The following PDE6B variants were observed in gnomAD, a reference collection of about 807,000 sequenced individuals.
The protein encoded by PDE6B is phosphodiesterase 6B, also known as rod cGMP-specific 3',5'-cyclic phosphodiesterase subunit beta.
In PDE6B, 106 loss-of-function variants were observed where a neutral mutation model predicts 109.0. The observed-to-expected ratio is 0.97, with a 90% CI of 0.83 to 1.14. PDE6B has a LOEUF of 1.14. Among genes scored for constraint, PDE6B ranks in the 50% most tolerant of loss-of-function variants. PDE6B has a pLI of 0.00. For synonymous variants in PDE6B, 490 were observed against 471.3 expected (o/e 1.04, Z -0.51); for missense variants, 1,193 against 1,155.6 (o/e 1.03, Z -0.47).
At chr4:657,630 C>T (rs1448725760) in intron 10 of PDE6B, 136 bp downstream of exon 10, 34 of 812,290 alleles carry the variant, frequency 4.2e-5, no homozygotes, top group Non-Finnish European at 6.3e-5. Flanking sequence ...GGGGTCACGG[C>T]TGTGCGGTGG....
intron 3 of PDE6B, among the ~76,000 whole-genome samples, chr4:645,502 A>G (rs1016793803): frequency 1.3e-5 from 2 of 151,448 alleles, no homozygotes; most frequent in Admixed American, 6.6e-5. Flanking sequence ...TCACCGTGTT[A>G]GCCAGGATGG....
rs574529843 is a variant in PDE6B at position 665,271 on chromosome 4, C to G, written c.2210C>G (p.Ala737Gly). 1 of 1,612,576 alleles carries G rather than the reference C, an allele frequency of 6.2e-7. No individual in the cohort carries two copies. The highest frequency in any genetic ancestry group is 1.1e-5 in the South Asian group (1 of 91,068). ...TGCCTCCAGGTCGCACTTCTCGTGG[C>G]TGCTGAGTTCTGGGAGCAAGGTGAC... ...EVQSKVALLV[A>G]AEFWEQGDLE... The change falls in exon 19 of 22, where the codon GCT becomes GGT. Residue 737 changes from alanine to glycine, a missense_variant. By Grantham distance (60) the Ala-to-Gly change is moderately conservative (BLOSUM62 0). Transcript: ENST00000496514. This position sits in a 1 kb window ranked among gnomAD's most constrained non-coding sequence, Gnocchi z 4.0.
In PDE6B at chr4:665,340, C is replaced by T; in HGVS notation, c.2268+11C>T. Reference sequence around the variant, plus strand: ...GATCAGCAGCCCATTGTGAGTGCTGCTTCTGGAACCTTCCACTCCTGAAAC... The same window carrying T: ...GATCAGCAGCCCATTGTGAGTGCTGTTTCTGGAACCTTCCACTCCTGAAAC... On this transcript the variant is annotated intron_variant, in intron 19 of 21. Transcript: ENST00000496514. This position sits in a 1 kb window ranked among gnomAD's most constrained non-coding sequence, Gnocchi z 4.0. 1.3e-6 allele frequency: 2 copies of T among 1,579,108 alleles called. No homozygotes were observed. The highest frequency in any genetic ancestry group is 1.7e-6 in the Non-Finnish European group (2 of 1,149,136).
chr4:651,026 G>A (rs28374488), intron 3 of PDE6B, among the ~76,000 whole-genome samples: 31,328 of 151,220 alleles, frequency 0.21, 3,940 homozygotes, highest in African/African-American at 0.35. Flanking sequence ...CGATGTCAAC[G>A]GCAGTGGGGC....
rs1032635339 is a variant in PDE6B, at chr4:634,913, C to T, written c.621+84C>T. 77 of 1,219,004 alleles carry T rather than the reference C, an allele frequency of 6.3e-5. 1 individual carries two copies. The South Asian group carries it at 9.2e-4, about 15-fold the overall frequency. 75.5% of individuals were successfully genotyped at this position (1,219,004 alleles called of 1,614,324 possible). A position where few individuals can be genotyped will look rare whatever the true frequency, so the allele number is the denominator to read the frequency against. ...CGCCTGTTCTGTGCTGCGCATCCAC[C>T]TCTTTACCTGCCTGCCCGCCTGCCC... is the stretch of plus-strand genomic sequence containing the variant. On this transcript the variant is annotated intron_variant, in intron 2 of 21. Transcript: ENST00000496514.
chr4:667,540 C>T (rs770562404), intron 20 of PDE6B, among the ~76,000 whole-genome samples: 4 of 152,160 alleles, frequency 2.6e-5, no homozygotes, highest in African/African-American at 9.7e-5. Context: ...GCCTGCTGTC[C>T]GCCTGTGCCC....
Position 667,911 on chromosome 4 carries a change from A to G in PDE6B, c.2408A>G (p.Asn803Ser). 1.2e-6 allele frequency: 2 copies of G among 1,613,668 alleles called. No individual in the cohort carries two copies. Among genetic ancestry groups the G allele is most frequent in the African/African-American group, 1.3e-5 (1 of 75,042 alleles). ...ILPMFDRLQNNRKEWKALADE... is the reference protein window; with the variant it reads ...ILPMFDRLQNSRKEWKALADE... Reference sequence around the variant, plus strand: ...CCCATGTTCGACCGACTGCAGAACAATAGGAAAGAGTGGAAGGCGCTGGCT... The same window carrying G: ...CCCATGTTCGACCGACTGCAGAACAGTAGGAAAGAGTGGAAGGCGCTGGCT... Residue 803 changes from asparagine (N) to serine (S), a missense_variant, in exon 21 of 22, where the codon AAT becomes AGT. By Grantham distance (46) the Asn-to-Ser change is conservative (BLOSUM62 1). Coordinates refer to ENST00000496514, the MANE Select transcript of PDE6B (RefSeq NM_000283.4).
chr4:661,044 G>A (rs1007705651), intron 12 of PDE6B, among the ~76,000 whole-genome samples: 19 of 152,234 alleles, frequency 1.2e-4, no homozygotes, highest in Non-Finnish European at 1.9e-4. Flanking sequence ...GGATGGGTGA[G>A]TGGGCCAATG....
chr4:625,613 G>A lies in PDE6B; in HGVS notation c.-14G>A, dbSNP rs745991527. ...TGCCTGGAGCAGCAGCGTCTCCAGGGACAGGCAGCCACCATGAGCCTCAGT... is the reference window on the plus strand; with the variant it reads ...TGCCTGGAGCAGCAGCGTCTCCAGGAACAGGCAGCCACCATGAGCCTCAGT... On this transcript the variant is annotated 5_prime_UTR_variant, in exon 1 of 22. Transcript: ENST00000496514. The surrounding 1 kb of genome is among the most constrained non-coding windows in gnomAD (Gnocchi z 5.0). 5 of 1,585,632 alleles carry A rather than the reference G, an allele frequency of 3.2e-6. No homozygotes were observed. The highest frequency in any genetic ancestry group is 2.2e-5 in the East Asian group (1 of 44,738).
intron 1 of PDE6B, among the ~76,000 whole-genome samples, chr4:627,452 G>A (rs1214783235): frequency 6.6e-6 from 1 of 152,118 alleles, no homozygotes; most frequent in Non-Finnish European, 1.5e-5. Flanking sequence ...GGCCGGAAGT[G>A]GCAATCCTCT....
chr4:664,387 C>T (rs1737537900), intron 17 of PDE6B, among the ~76,000 whole-genome samples, 166 bp downstream of exon 17: 1 of 152,190 alleles, frequency 6.6e-6, no homozygotes, highest in Non-Finnish European at 1.5e-5. Flanking sequence ...TTATTTCCCC[C>T]CAGCTCTCAG....
In PDE6B at chr4:659,005, G is replaced by C; in HGVS notation, c.1455G>C (p.Leu485=). The C allele has an allele frequency of 6.2e-7, 1 of 1,613,204 alleles. No homozygotes were observed. Among genetic ancestry groups the C allele is most frequent in the African/African-American group, 1.3e-5 (1 of 75,046 alleles). The stretch of plus-strand genomic sequence containing the variant: ...CTGCTGACTGCGATGAGGACGAGCT[G>C]GGCGAAATCCTGGTAAGAACCTTGC... ...KEPADCDEDE[L]GEILKEELPG... Residue 485 remains leucine (L), a synonymous_variant, in exon 11 of 22, where the codon CTG becomes CTC. Transcript: ENST00000496514.
In PDE6B at chr4:648,728, C is replaced by A. The variant is rs1044946345; in HGVS notation, c.712-5124C>A. ...TGACCTGTCACGGCAGCTGCCTGTTCGGCTTAGTGGAGCAATTCTCACCGC... is the reference window on the plus strand; with the variant it reads ...TGACCTGTCACGGCAGCTGCCTGTTAGGCTTAGTGGAGCAATTCTCACCGC... On this transcript the variant is annotated intron_variant, in intron 3 of 21. Coordinates refer to ENST00000496514, the MANE Select transcript of PDE6B (RefSeq NM_000283.4). The surrounding 1 kb of genome is among the most constrained non-coding windows in gnomAD (Gnocchi z 4.5). Among the ~76,000 whole-genome samples the A allele has an allele frequency of 1.3e-5, 2 of 152,258 alleles. No homozygotes were observed. The highest frequency in any genetic ancestry group is 3.8e-4 in the East Asian group (2 of 5,198).
Position 665,049 on chromosome 4 carries a change from G to A in PDE6B, c.2193+105G>A. 3.1e-6 allele frequency: 3 copies of A among 978,094 alleles called. No homozygotes were observed. The highest frequency in any genetic ancestry group is 2.8e-4 in the Middle Eastern group (1 of 3,542). 60.6% of individuals were successfully genotyped at this position (978,094 alleles called of 1,614,324 possible). On this transcript the variant is annotated intron_variant, in intron 18 of 21. Transcript: ENST00000496514. This position sits in a 1 kb window ranked among gnomAD's most constrained non-coding sequence, Gnocchi z 4.0. ...GGCAACGGACCATTGTTTGCAAGGA[G>A]CTCTGAGGGCCACCTCGGGGCCAGG...
Position 654,124 on chromosome 4 carries a change from G to A in PDE6B, c.897G>A (p.Pro299=), listed in dbSNP as rs576439366. 1.8e-5 allele frequency: 29 copies of A among 1,613,812 alleles called. No individual in the cohort carries two copies. In the East Asian group the frequency reaches 3.3e-4, roughly 19 times the overall value. The change falls in exon 5 of 22, where the codon CCG becomes CCA. Residue 299 remains proline (P), a synonymous_variant. Coordinates refer to ENST00000496514, the MANE Select transcript of PDE6B (RefSeq NM_000283.4). ...CTGTGCTGATGGGAGAGTCCCAGCCGTACTCGGGCCCACGCACGCCTGATG... is the reference window on the plus strand; with the variant it reads ...CTGTGCTGATGGGAGAGTCCCAGCCATACTCGGGCCCACGCACGCCTGATG... ...VWSVLMGESQ[P]YSGPRTPDGR... is the part of the protein sequence containing the mutation.
intron 17 of PDE6B, 110 bp downstream of exon 17, chr4:664,331 C>T: frequency 1.4e-6 from 1 of 735,792 alleles, no homozygotes; most frequent in South Asian, 1.4e-5. Flanking sequence ...GCAGGAAGAG[C>T]CCGTCGCGGC....
rs1463881617 is a variant in PDE6B, at chr4:657,407, G to A, written c.1314G>A (p.Met438Ile). Residue 438 changes from methionine (M) to isoleucine (I), a missense_variant, in exon 10 of 22, where the codon ATG becomes ATA. Coordinates refer to ENST00000496514, the MANE Select transcript of PDE6B (RefSeq NM_000283.4). ...TGAACACCGACACCTACGACAAGATGAACAAGCTGGAGAACCGCAAGGACA... is the reference window on the plus strand; with the variant it reads ...TGAACACCGACACCTACGACAAGATAAACAAGCTGGAGAACCGCAAGGACA... ...SVMNTDTYDK[M>I]NKLENRKDIA... 6.2e-7 allele frequency: 1 copy of A among 1,613,284 alleles called. No individual in the cohort carries two copies. Among genetic ancestry groups the A allele is most frequent in the South Asian group, 1.1e-5 (1 of 91,082 alleles).
Position 662,661 on chromosome 4 carries a change from C to T in PDE6B, c.1832+43C>T, listed in dbSNP as rs765774722. 9.0e-6 allele frequency: 11 copies of T among 1,216,486 alleles called. No homozygotes were observed. The highest frequency in any genetic ancestry group is 1.3e-5 in the Non-Finnish European group (11 of 817,694). 75.4% of individuals were successfully genotyped at this position (1,216,486 alleles called of 1,614,324 possible). Reference sequence around the variant, plus strand: ...GGCATGTGAATTAGCCCTAAATCAACTCCACGCCCTTGGCGTGAATTAGGC... The same window carrying T: ...GGCATGTGAATTAGCCCTAAATCAATTCCACGCCCTTGGCGTGAATTAGGC... On this transcript the variant is annotated intron_variant, in intron 14 of 21. Transcript: ENST00000496514. This position sits in a 1 kb window ranked among gnomAD's most constrained non-coding sequence, Gnocchi z 4.3.
chr4:666,664 G>T lies in PDE6B; in HGVS notation c.2352+50G>T. ...GCTGACTGGGGCAGGGTGGCTGGGA[G>T]CAGGCAAGGGGGCGCGGGCTGGAGT... On this transcript the variant is annotated intron_variant, in intron 20 of 21. Coordinates refer to ENST00000496514, the MANE Select transcript of PDE6B (RefSeq NM_000283.4). This position sits in a 1 kb window ranked among gnomAD's most constrained non-coding sequence, Gnocchi z 5.6. 7.8e-7 allele frequency: 1 copy of T among 1,284,752 alleles called. No homozygotes were observed. The highest frequency in any genetic ancestry group is 1.1e-6 in the Non-Finnish European group (1 of 880,312). The allele number at this position is 1,284,752 out of a possible 1,614,324, so 79.6% of individuals were successfully genotyped here. A position where few individuals can be genotyped will look rare whatever the true frequency, so the allele number is the denominator to read the frequency against.
Sources: gnomAD v4.1 joint callset for allele counts (sites outside exome capture counted in the v4.1 genomes callset) on GRCh38, gnomAD v4.1.1 for gene constraint, Gnocchi (gnomAD v3.1) non-coding constraint, MANE v1.5 for transcripts, NCBI Gene and HGNC (gene_info 2026-07-23, HGNC 2026-07-21) for gene names.